Variants in RP1 observed in about 807,000 individuals in gnomAD.
RP1 encodes the protein RP1 axonemal microtubule associated.
Under a neutral mutation model 14.8 loss-of-function variants are expected in RP1, and 16 were observed. That is an observed-to-expected ratio of 1.08 (90% CI 0.73 to 1.65). The LOEUF is 1.65. RP1 is among the 40% of genes most tolerant of loss of function. RP1 has a pLI of 0.00. For missense variants in RP1, 2,631 were observed against 2,535.0 expected (o/e 1.04, Z -0.81); for synonymous variants, 876 against 883.6 (o/e 0.99, Z 0.15).
downstream of RP1, among the ~76,000 whole-genome samples, chr8:54,773,949 C>T (rs1554531762): frequency 1.3e-5 from 2 of 152,100 alleles, no homozygotes; most frequent in South Asian, 2.1e-4. Context: ...TTTTTTCTCT[C>T]CTCTCAGTTC....
In RP1 at chr8:54,780,391, C is replaced by T. The variant is rs577720355; in HGVS notation, c.3452-3156C>T. Among the ~76,000 whole-genome samples the T allele has an allele frequency of 1.3e-3, 199 of 152,314 alleles. 1 individual carries two copies. The highest frequency in any genetic ancestry group is 3.8e-3 in the African/African-American group (159 of 41,580). The stretch of plus-strand genomic sequence containing the variant: ...TAAACTGTGTGGTTTGATTGATCAT[C>T]GAACTCACTTCTTCCCTTAGAGTCT... On this transcript the variant is annotated intron_variant, in intron 23 of 28. Transcript: ENST00000637698.
chr8:54,807,698 A>G (rs1434426927), intron 24 of RP1, among the ~76,000 whole-genome samples: 1 of 151,514 alleles, frequency 6.6e-6, no homozygotes, highest in Non-Finnish European at 1.5e-5. Context: ...CTATCTATCT[A>G]TCATGAGAGA....
intron 4 of RP1, chr8:54,649,226 C>G (rs773232772): frequency 1.3e-5 from 14 of 1,114,500 alleles, no homozygotes; most frequent in Non-Finnish European, 1.6e-5. Context: ...CATAGTCTAT[C>G]CCTTTAGTAA....
chr8:54,865,900 C>T (rs912053163), exon 28 of RP1: 4 of 1,226,520 alleles, frequency 3.3e-6, no homozygotes, highest in Admixed American at 4.2e-5. Context: ...TGAAGAGGTG[C>T]TGTTTCTATG....
chr8:54,786,654 C>A (rs186978868), intron 24 of RP1, among the ~76,000 whole-genome samples: 178 of 152,146 alleles, frequency 1.2e-3, no homozygotes, highest in Non-Finnish European at 1.8e-3. Context: ...CTAGATAATT[C>A]CATTTCAATA....
intron 3 of RP1, among the ~76,000 whole-genome samples, chr8:54,647,377 G>A (rs1241659619): frequency 6.6e-6 from 1 of 151,942 alleles, no homozygotes; most frequent in Non-Finnish European, 1.5e-5. Flanking sequence ...TCATACCACT[G>A]CACTCCAGCT....
At chr8:54,804,163 G>C (rs1004718570) in intron 24 of RP1, among the ~76,000 whole-genome samples, 51 of 152,022 alleles carry the variant, frequency 3.4e-4, no homozygotes, top group African/African-American at 1.2e-3. Context: ...CTAGGTTAGA[G>C]GGGTTAGTAG....
Position 54,624,891 on chromosome 8 carries a change from G to T in RP1, c.1009G>T (p.Val337Phe). The change falls in exon 4 of 4, where the codon GTT (valine) becomes TTT (phenylalanine). Residue 337 changes from valine (V) to phenylalanine (F), a missense_variant. By Grantham distance (50) the Val-to-Phe change is conservative (BLOSUM62 -1). Coordinates refer to ENST00000220676, the MANE Select transcript of RP1 (RefSeq NM_006269.2). ...QDGTMTVEMK[V>F]RFRIKEEETI... ...CGGCACTATGACAGTTGAGATGAAAGTTCGATTCAGAATAAAAGAGGAAGA... is the reference window on the plus strand; with the variant it reads ...CGGCACTATGACAGTTGAGATGAAATTTCGATTCAGAATAAAAGAGGAAGA... 6.2e-7 allele frequency: 1 copy of T among 1,613,888 alleles called. No homozygotes were observed. The highest frequency in any genetic ancestry group is 8.5e-7 in the Non-Finnish European group (1 of 1,179,996).
intron 1 of RP1, among the ~76,000 whole-genome samples, chr8:54,579,918 G>A (rs962070994): frequency 6.6e-6 from 1 of 152,292 alleles, no homozygotes; most frequent in African/African-American, 2.4e-5. Context: ...TGTCTCCTGG[G>A]AGTGCAGTGC....
At chr8:54,753,841 A>T (rs1809434649) in intron 19 of RP1, among the ~76,000 whole-genome samples, 1 of 152,216 alleles carries the variant, frequency 6.6e-6, no homozygotes, top group African/African-American at 2.4e-5. Context: ...GGAACAGCAG[A>T]CAGTGGGTTA....
intron 15 of RP1, among the ~76,000 whole-genome samples, chr8:54,709,419 G>C (rs1017045273): frequency 1.3e-5 from 2 of 152,188 alleles, no homozygotes; most frequent in African/African-American, 4.8e-5. Flanking sequence ...GTGTATGTTG[G>C]AAGGCAATCA....
At position 54,564,195 on chromosome 8, in the gene RP1, G is replaced by A. The variant is rs141798703; in HGVS notation, c.-13+4875G>A. 5.9e-3 allele frequency among the ~76,000 whole-genome samples: 903 copies of A among 152,232 alleles called. 4 individuals carry two copies. Among genetic ancestry groups the A allele is most frequent in the South Asian group, 0.041 (198 of 4,824 alleles). Reference sequence around the variant, plus strand: ...TCTCTGGAGGGCTTTCTTAATGTAAGCTTTTTTACTAGGAGGCTTTCCCTC... The same window carrying A: ...TCTCTGGAGGGCTTTCTTAATGTAAACTTTTTTACTAGGAGGCTTTCCCTC... On this transcript the variant is annotated intron_variant, in intron 1 of 22. Transcript: ENST00000636932.
At chr8:54,765,076 C>T (rs1809728876) in intron 22 of RP1, among the ~76,000 whole-genome samples, 1 of 152,240 alleles carries the variant, frequency 6.6e-6, no homozygotes, top group Admixed American at 6.5e-5. Context: ...TTCTGCTGCT[C>T]TATCACTGCA....
At chr8:54,741,711 A>ATGTG (rs1212259211) in intron 19 of RP1, among the ~76,000 whole-genome samples, 1 of 95,706 alleles carries the variant, frequency 1.0e-5, no homozygotes, top group Admixed American at 1.1e-4. Flanking sequence ...GTGTGTGTAT[A>ATGTG]TATATATATA....
At chr8:54,650,560 A>T (rs947695754) in intron 4 of RP1, among the ~76,000 whole-genome samples, 1 of 152,100 alleles carries the variant, frequency 6.6e-6, no homozygotes, top group African/African-American at 2.4e-5. Context: ...CTCCAAAAGA[A>T]AACTTTGTTA....
At chr8:54,648,129 C>T (rs1269547627) in intron 3 of RP1, among the ~76,000 whole-genome samples, 1 of 152,086 alleles carries the variant, frequency 6.6e-6, no homozygotes, top group African/African-American at 2.4e-5. Flanking sequence ...TGCCTTCTGC[C>T]ATGATTGTTA....
At chr8:54,822,172 T>C (rs1180787107) in intron 24 of RP1, among the ~76,000 whole-genome samples, 2 of 152,258 alleles carry the variant, frequency 1.3e-5, no homozygotes, top group Non-Finnish European at 2.9e-5. Context: ...AATTATTTAT[T>C]AGTTTTAACA....
intron 7 of RP1, among the ~76,000 whole-genome samples, chr8:54,670,619 A>G (rs1807149380): frequency 7.2e-6 from 1 of 138,546 alleles, no homozygotes; most frequent in African/African-American, 2.7e-5. Context: ...ATATGTATAT[A>G]TGTATACTCT....
At chr8:54,675,094 A>T (rs978750680) in intron 8 of RP1, among the ~76,000 whole-genome samples, 6 of 152,176 alleles carry the variant, frequency 3.9e-5, no homozygotes, top group Admixed American at 1.3e-4. Context: ...AACCTAAAAA[A>T]TCCCTGTGTC....
Sources: gnomAD v4.1 joint callset for allele counts (sites outside exome capture counted in the v4.1 genomes callset) on GRCh38, gnomAD v4.1.1 for gene constraint, MANE v1.5 for transcripts, NCBI Gene and HGNC (gene_info 2026-07-23, HGNC 2026-07-21) for gene names.